RPGRIP1L: variants seen among roughly 807,000 people sequenced by gnomAD.
RPGRIP1L encodes protein fantom.
A neutral mutation model predicts 160.4 loss-of-function variants in RPGRIP1L; 131 were observed. The observed-to-expected ratio is 0.82, with a 90% CI of 0.71 to 0.94. The LOEUF is 0.94. Among genes scored for constraint, RPGRIP1L ranks in the 40% least tolerant of loss-of-function variants. The pLI, the probability that RPGRIP1L is intolerant of heterozygous loss-of-function variation, is 0.00. For synonymous variants in RPGRIP1L, 510 were observed against 515.8 expected (o/e 0.99, Z 0.15); for missense variants, 1,522 against 1,535.8 (o/e 0.99, Z 0.15).
intron 2 of RPGRIP1L, among the ~76,000 whole-genome samples, chr16:53,696,900 T>C (rs1224998140): frequency 6.6e-6 from 1 of 152,216 alleles, no homozygotes; most frequent in Non-Finnish European, 1.5e-5. Context: ...CGCTTAAATT[T>C]GGTATTTTCC....
At chr16:53,637,385 T>C (rs1965906482) in intron 21 of RPGRIP1L, among the ~76,000 whole-genome samples, 1 of 152,166 alleles carries the variant, frequency 6.6e-6, no homozygotes. Context: ...AGTCAAGACC[T>C]CTACGCTAAT....
chr16:53,659,296 A>T (rs1967559618), intron 10 of RPGRIP1L: 1 of 525,436 alleles, frequency 1.9e-6, no homozygotes, highest in African/African-American at 2.1e-5. Flanking sequence ...TATTTTCCCA[A>T]CTTAGCATAT....
intron 25 of RPGRIP1L, 132 bp from the exon 26 acceptor site, chr16:53,605,746 T>G (rs1004785646): frequency 9.1e-6 from 8 of 875,194 alleles, no homozygotes; most frequent in Non-Finnish European, 1.3e-5. Flanking sequence ...AAAAGAAAGG[T>G]ACACTAGGCT....
chr16:53,653,366 C>T (rs1289562237), intron 14 of RPGRIP1L: 2 of 1,056,118 alleles, frequency 1.9e-6, no homozygotes, highest in East Asian at 8.7e-5. Flanking sequence ...TTTCTGCTGC[C>T]TCCTTTCCTT....
At chr16:53,666,608 G>A (rs559550244) in intron 9 of RPGRIP1L, among the ~76,000 whole-genome samples, 12 of 88,744 alleles carry the variant, frequency 1.4e-4, no homozygotes, top group African/African-American at 2.6e-4. Flanking sequence ...ATATATATAT[G>A]TATGTATGTA....
chr16:53,631,469 C>T (rs574527194), intron 22 of RPGRIP1L, among the ~76,000 whole-genome samples: 5 of 152,216 alleles, frequency 3.3e-5, no homozygotes, highest in African/African-American at 9.6e-5. Flanking sequence ...GAGTTCATGG[C>T]AATACATTTT....
Position 53,692,154 on chromosome 16 carries a change from T to C in RPGRIP1L, c.441A>G (p.Gln147=). The change falls in exon 4 of 27, where the codon CAA becomes CAG. Residue 147 remains glutamine, a synonymous_variant. Transcript: ENST00000647211. ...GAGATTGTACATTATTGTATGGAGTTTGCCTGTAACCCTGGGTTTGAAGTT... is the reference window on the plus strand; with the variant it reads ...GAGATTGTACATTATTGTATGGAGTCTGCCTGTAACCCTGGGTTTGAAGTT... ...KQQLQTQGYR[Q]TPYNNVQSRI... The C allele has an allele frequency of 1.2e-6, 2 of 1,614,166 alleles. No homozygotes were observed. Among genetic ancestry groups the C allele is most frequent in the Non-Finnish European group, 1.7e-6 (2 of 1,180,024 alleles).
intron 17 of RPGRIP1L, among the ~76,000 whole-genome samples, chr16:53,643,662 A>AG (rs1966379174): frequency 1.3e-5 from 2 of 152,250 alleles, no homozygotes; most frequent in Non-Finnish European, 2.9e-5. Flanking sequence ...AAAGAAAAAA[A>AG]GAAACAAAAC....
intron 16 of RPGRIP1L, among the ~76,000 whole-genome samples, chr16:53,647,407 A>AT (rs944527920): frequency 3.9e-5 from 6 of 151,992 alleles, no homozygotes; most frequent in South Asian, 2.1e-4. Flanking sequence ...TCTGATCTCC[A>AT]TTTTTTTCTG....
chr16:53,611,089 A>T, intron 24 of RPGRIP1L, 38 bp from the exon 25 acceptor site: 1 of 1,377,108 alleles, frequency 7.3e-7, no homozygotes, highest in Non-Finnish European at 1.0e-6. Flanking sequence ...AAAGGAAGTC[A>T]CTCAGGAATA....
chr16:53,675,693 G>C (rs1969101832), intron 6 of RPGRIP1L, among the ~76,000 whole-genome samples: 1 of 152,094 alleles, frequency 6.6e-6, no homozygotes. Context: ...TCCAAAGCTG[G>C]CATTTAAATA....
intron 3 of RPGRIP1L, chr16:53,695,903 G>C: frequency 2.3e-6 from 1 of 429,114 alleles, no homozygotes; most frequent in Non-Finnish European, 4.2e-6. Context: ...TTATAGGTAT[G>C]ATATACTAAC....
chr16:53,645,559 C>T, intron 17 of RPGRIP1L, 66 bp downstream of exon 17: 1 of 1,447,944 alleles, frequency 6.9e-7, no homozygotes, highest in South Asian at 1.2e-5. Context: ...CGAATCATAT[C>T]CATAACACTA....
At chr16:53,646,038 ACACAG>A (rs775012703) in intron 16 of RPGRIP1L, 35 bp from the exon 17 acceptor site, 20 of 1,605,096 alleles carry the variant, frequency 1.2e-5, no homozygotes, top group Non-Finnish European at 1.6e-5. Flanking sequence ...TAAGGAAATA[ACACAG>A]TTAAAAGATG....
intron 7 of RPGRIP1L, among the ~76,000 whole-genome samples, chr16:53,673,692 G>C (rs1388045857): frequency 2.0e-5 from 3 of 152,096 alleles, no homozygotes; most frequent in Non-Finnish European, 2.9e-5. Context: ...AAGTCCCACT[G>C]AAGTTTTTTT....
chr16:53,684,794 T>C (rs1969875311), intron 6 of RPGRIP1L, among the ~76,000 whole-genome samples: 1 of 150,010 alleles, frequency 6.7e-6, no homozygotes, highest in South Asian at 2.1e-4. Context: ...ATTCAGCATA[T>C]AGGCATGGGC....
intron 11 of RPGRIP1L, 85 bp downstream of exon 11, chr16:53,658,687 G>C: frequency 1.0e-6 from 1 of 956,476 alleles, no homozygotes. Context: ...GTATGCTTTC[G>C]CTTTGTAGTA....
At position 53,641,426 on chromosome 16, in the gene RPGRIP1L, A is replaced by G. The variant is rs780925825; in HGVS notation, c.2733T>C (p.His911=). 3 of 1,613,948 alleles carry G rather than the reference A, an allele frequency of 1.9e-6. No homozygotes were observed. In the South Asian group the frequency reaches 3.3e-5, roughly 18 times the overall value. Residue 911 remains histidine (H), a synonymous_variant, in exon 18 of 27, where the codon CAT becomes CAC. Transcript: ENST00000647211. The stretch of plus-strand genomic sequence containing the variant: ...AAGCAAATTTCCATTTCAATATAAC[A>G]TGGATGGTGCCAGCAGGATGCTTTT... The part of the protein sequence containing the change: ...DHQKHPAGTI[H]VILKWKFAYL...
chr16:53,698,952 G>T (rs1206901037), intron 2 of RPGRIP1L, among the ~76,000 whole-genome samples: 1 of 152,208 alleles, frequency 6.6e-6, no homozygotes, highest in African/African-American at 2.4e-5. Context: ...AGAAAGCGGG[G>T]AAAGGTGGGG....
Sources: allele counts gnomAD v4.1 joint callset (sites outside exome capture counted in the v4.1 genomes callset), GRCh38; gene constraint gnomAD v4.1.1; transcripts MANE v1.5; gene names NCBI Gene and HGNC (gene_info 2026-07-23, HGNC 2026-07-21).